Variants in MYO1D observed in about 807,000 individuals in gnomAD.
MYO1D encodes the protein myosin ID.
MYO1D carries 83 observed loss-of-function variants against 122.0 expected under a neutral mutation model. The observed-to-expected ratio is 0.68, with a 90% CI of 0.57 to 0.82. The LOEUF is 0.82. MYO1D is among the 40% of genes least tolerant of loss of function. MYO1D has a pLI of 0.00. For missense variants in MYO1D, 1,157 were observed against 1,269.5 expected, an observed-to-expected ratio of 0.91 and a Z score of 1.35; for synonymous variants, 464 against 446.9, an observed-to-expected ratio of 1.04 and a Z score of -0.48.
At chr17:32,594,598 TC>T in intron 21 of MYO1D, 1 of 653,258 alleles carries the variant, frequency 1.5e-6, no homozygotes, top group Non-Finnish European at 2.7e-6. Context: ...ATTGGCCTTT[TC>T]AGAAATAGGC....
At chr17:32,638,997 T>G (rs546713360) in intron 19 of MYO1D, among the ~76,000 whole-genome samples, 162 bp from the exon 20 acceptor site, 1 of 152,174 alleles carries the variant, frequency 6.6e-6, no homozygotes, top group East Asian at 1.9e-4. Flanking sequence ...CTTGTGGAAT[T>G]TGGCAATTGA....
Position 32,547,811 on chromosome 17 carries a change from G to A in MYO1D, c.2865-52896C>T, listed in dbSNP as rs1390475664. Among the ~76,000 whole-genome samples the A allele has an allele frequency of 3.3e-5, 5 of 151,984 alleles. No individual in the cohort carries two copies. In the South Asian group the frequency reaches 6.2e-4, roughly 19 times the overall value. ...AAAAACCTACAAAAATTAGCCGGGC[G>A]TGGTGGTGCATGCCTGTAGTCTCAG... On this transcript the variant is annotated intron_variant, in intron 21 of 21. Coordinates refer to ENST00000318217, the MANE Select transcript of MYO1D (RefSeq NM_015194.3).
intron 21 of MYO1D, chr17:32,497,996 C>T (rs1909179820): frequency 6.6e-6 from 1 of 152,348 alleles, no homozygotes. Context: ...GGCTTTCCGG[C>T]ATTCCACACC....
At chr17:32,613,670 G>A (rs921733712) in intron 20 of MYO1D, among the ~76,000 whole-genome samples, 4 of 151,242 alleles carry the variant, frequency 2.6e-5, no homozygotes, top group South Asian at 2.1e-4. Context: ...GCTACTCGGG[G>A]GGCTGAGGCA....
chr17:32,556,725 G>A (rs2087071528), intron 21 of MYO1D, among the ~76,000 whole-genome samples: 1 of 152,032 alleles, frequency 6.6e-6, no homozygotes, highest in Non-Finnish European at 1.5e-5. Context: ...TTAGCAACAA[G>A]TTAGTTAGCA....
At chr17:32,809,580 A>G (rs1189407292) in intron 1 of MYO1D, among the ~76,000 whole-genome samples, 2 of 152,006 alleles carry the variant, frequency 1.3e-5, no homozygotes, top group Non-Finnish European at 2.9e-5. Flanking sequence ...CTGGGATTAC[A>G]GGCATGTGCC....
intron 1 of MYO1D, among the ~76,000 whole-genome samples, chr17:32,819,206 GTT>G (rs761386488): frequency 1.4e-5 from 2 of 140,704 alleles, no homozygotes; most frequent in African/African-American, 5.2e-5. Flanking sequence ...TTGGTTTCAA[GTT>G]TTTTTTTTTT....
intron 1 of MYO1D, among the ~76,000 whole-genome samples, chr17:32,812,990 A>G (rs967527844): frequency 6.6e-6 from 1 of 152,188 alleles, no homozygotes; most frequent in African/African-American, 2.4e-5. Context: ...GGAGTCATCC[A>G]CACCCATCAT....
At chr17:32,641,592 C>T (rs1289269948) in intron 19 of MYO1D, among the ~76,000 whole-genome samples, 3 of 152,168 alleles carry the variant, frequency 2.0e-5, no homozygotes, top group Non-Finnish European at 4.4e-5. Context: ...CTCTCCAGCA[C>T]CTGTTGTTTC....
chr17:32,495,337 T>C (rs1229668905), intron 21 of MYO1D, among the ~76,000 whole-genome samples: 1 of 152,250 alleles, frequency 6.6e-6, no homozygotes, highest in Non-Finnish European at 1.5e-5. Flanking sequence ...CTCCTGCTCC[T>C]GGCTGGTCCC....
rs1231262941 is a variant in MYO1D, at chr17:32,736,649, A to C, written c.1746+1604T>G. Among the ~76,000 whole-genome samples the C allele has an allele frequency of 2.0e-5, 3 of 152,236 alleles. No homozygotes were observed. The East Asian group carries it at 5.8e-4, about 29-fold the overall frequency. ...GCAATTCCTGATACAGAAATTATAG[A>C]AGGTTCTGGAATTTTTATTTCTTTA... On this transcript the variant is annotated intron_variant, in intron 14 of 21. Coordinates refer to ENST00000318217, the MANE Select transcript of MYO1D (RefSeq NM_015194.3).
intron 21 of MYO1D, among the ~76,000 whole-genome samples, chr17:32,597,032 A>C (rs1295318200): frequency 1.3e-5 from 2 of 152,190 alleles, no homozygotes; most frequent in African/African-American, 2.4e-5. Flanking sequence ...ATACAACAAG[A>C]CCATACAGAA....
At chr17:32,765,413 C>G (rs1052188438) in intron 7 of MYO1D, among the ~76,000 whole-genome samples, 1 of 152,022 alleles carries the variant, frequency 6.6e-6, no homozygotes, top group Non-Finnish European at 1.5e-5. Context: ...TGATGCTTTC[C>G]TCTAATGCTT....
At chr17:32,744,503 G>C (rs1233866883) in intron 13 of MYO1D, among the ~76,000 whole-genome samples, 1 of 152,084 alleles carries the variant, frequency 6.6e-6, no homozygotes, top group Non-Finnish European at 1.5e-5. Flanking sequence ...TTTCACAGCT[G>C]TATCCCAGAA....
intron 15 of MYO1D, among the ~76,000 whole-genome samples, chr17:32,714,283 A>G (rs2089415202): frequency 1.4e-5 from 2 of 140,206 alleles, no homozygotes; most frequent in African/African-American, 5.4e-5. Flanking sequence ...ACGTGTTCTC[A>G]TTGTTCAGCT....
chr17:32,723,319 C>T (rs1301061556), intron 14 of MYO1D, among the ~76,000 whole-genome samples: 1 of 152,218 alleles, frequency 6.6e-6, no homozygotes, highest in Non-Finnish European at 1.5e-5. Context: ...GGGACCCTGT[C>T]CTTTAATTTT....
intron 1 of MYO1D, among the ~76,000 whole-genome samples, chr17:32,783,724 C>T (rs1421724630): frequency 6.6e-6 from 1 of 152,146 alleles, no homozygotes; most frequent in East Asian, 1.9e-4. Context: ...CCAATATACA[C>T]CTTAACAGCA....
intron 1 of MYO1D, among the ~76,000 whole-genome samples, chr17:32,823,191 T>C (rs547549004): frequency 5.3e-5 from 8 of 152,230 alleles, no homozygotes; most frequent in African/African-American, 1.9e-4. Flanking sequence ...TCTTTCTGTC[T>C]AGAATGCTGA....
At chr17:32,612,476 C>T (rs531959939) in intron 20 of MYO1D, among the ~76,000 whole-genome samples, 7 of 151,640 alleles carry the variant, frequency 4.6e-5, no homozygotes, top group African/African-American at 1.2e-4. Context: ...CACTTGAGGC[C>T]GGGAGTTCAT....
Sources: gnomAD v4.1 joint callset for allele counts (sites outside exome capture counted in the v4.1 genomes callset) on GRCh38, gnomAD v4.1.1 for gene constraint, MANE v1.5 for transcripts, NCBI Gene and HGNC (gene_info 2026-07-23, HGNC 2026-07-21) for gene names.